CD163L1: variants seen among roughly 807,000 people sequenced by gnomAD.
The protein encoded by CD163L1 is scavenger receptor cysteine-rich type 1 protein M160.
In CD163L1, 124 loss-of-function variants were observed where a neutral mutation model predicts 165.4. That is an observed-to-expected ratio of 0.75 (90% confidence interval 0.65 to 0.87). CD163L1 has a LOEUF of 0.87. CD163L1 is among the 40% of genes least tolerant of loss of function. CD163L1 has a pLI of 0.00. For missense variants in CD163L1, 1,525 were observed against 1,799.9 expected (o/e 0.85, Z 2.76); for synonymous variants, 585 against 662.2 (o/e 0.88, Z 1.79).
the CD163L1 span, among the ~76,000 whole-genome samples, chr12:7,333,334 A>G: frequency 6.6e-6 from 1 of 152,176 alleles, no homozygotes; most frequent in African/African-American, 2.4e-5. Flanking sequence ...GGATTAAGAA[A>G]CTCACTCAAA....
the CD163L1 span, among the ~76,000 whole-genome samples, chr12:7,335,666 A>T: frequency 2.6e-5 from 4 of 152,222 alleles, no homozygotes; most frequent in Non-Finnish European, 5.9e-5. Flanking sequence ...ATGGGATCTA[A>T]TTAAACTAAA....
In CD163L1 at chr12:7,375,589, G is replaced by A. The variant is rs751038163; in HGVS notation, c.2693C>T (p.Thr898Ile). The A allele has an allele frequency of 3.7e-6, 6 of 1,612,070 alleles. No individual in the cohort carries two copies. The highest frequency in any genetic ancestry group is 5.1e-6 in the Non-Finnish European group (6 of 1,179,954). ...TTTGCCATTCACAAGTCGGACATCT[G>A]TATATCCTAGGAGGAGACAAGGCCA... ...REVGVVCSRY[T>I]DVRLVNGKSQ... The change falls in exon 11 of 20, where the codon ACA becomes ATA. Residue 898 changes from threonine (T) to isoleucine (I), a missense_variant. Physicochemically the swap from Thr to Ile is moderately conservative, Grantham distance 89 (BLOSUM62 -1). Transcript: ENST00000313599.
At position 7,421,489 on chromosome 12, in the gene CD163L1, A is replaced by ATG. The variant is rs1555202384; in HGVS notation, c.766+10926_766+10927insCA. Among the ~76,000 whole-genome samples the ATG allele has an allele frequency of 3.5e-5, 4 of 113,612 alleles. 1 individual carries two copies. 74.5% of individuals were successfully genotyped at this position (113,612 alleles called of 152,430 possible). A position where few individuals can be genotyped will look rare whatever the true frequency, so the allele number is the denominator to read the frequency against. ...CATATATATACATATATGTACATAT[A>ATG]TACATATATGTACATATACATATAC... On this transcript the variant is annotated intron_variant, in intron 4 of 19. Transcript: ENST00000313599.
chr12:7,385,831 C>T (rs1947503886), intron 8 of CD163L1, among the ~76,000 whole-genome samples: 1 of 151,650 alleles, frequency 6.6e-6, no homozygotes, highest in African/African-American at 2.4e-5. Context: ...ACACAACATA[C>T]CAAAGCCTAT....
At chr12:7,406,914 G>C (rs1419393206) in intron 4 of CD163L1, 62 bp from the exon 5 acceptor site, 2 of 1,423,830 alleles carry the variant, frequency 1.4e-6, no homozygotes, top group African/African-American at 2.9e-5. Context: ...TCAGATTCCA[G>C]ATCCTGCTAT....
chr12:7,409,714 G>A (rs906391544), intron 4 of CD163L1, among the ~76,000 whole-genome samples: 2 of 152,176 alleles, frequency 1.3e-5, no homozygotes, highest in African/African-American at 2.4e-5. Context: ...GAGAAATAAG[G>A]ACTAGAACAG....
At chr12:7,402,774 C>T (rs1405915654) in intron 6 of CD163L1, among the ~76,000 whole-genome samples, 1 of 151,738 alleles carries the variant, frequency 6.6e-6, no homozygotes, top group Non-Finnish European at 1.5e-5. Context: ...TAGCTAGGAC[C>T]ACAGGTATGC....
At chr12:7,421,008 TACG>T (rs749573384) in intron 4 of CD163L1, among the ~76,000 whole-genome samples, 13,407 of 131,822 alleles carry the variant, frequency 0.1, 1,184 homozygotes, top group African/African-American at 0.22. Flanking sequence ...TATATATATA[TACG>T]TGTATATATA....
At chr12:7,425,232 G>A (rs1453016772) in intron 4 of CD163L1, among the ~76,000 whole-genome samples, 1 of 152,170 alleles carries the variant, frequency 6.6e-6, no homozygotes, top group Non-Finnish European at 1.5e-5. Context: ...AAGCAATGGG[G>A]AAAGGATTCC....
chr12:7,375,914 G>A lies in CD163L1; in HGVS notation c.2472C>T (p.Phe824=), dbSNP rs1282245967. ...ACAGCACATTGGCAGCATGAAGAGA[G>A]AAATCAGAATCACAGACAGAGCGCC... The part of the protein sequence containing the change: ...DTWRSVCDSD[F]SLHAANVLCR... Residue 824 remains phenylalanine, a synonymous_variant, in exon 10 of 20, where the codon TTC becomes TTT. Coordinates refer to ENST00000313599, the MANE Select transcript of CD163L1 (RefSeq NM_174941.6). 1 of 1,614,226 alleles carries A rather than the reference G, an allele frequency of 6.2e-7. No individual in the cohort carries two copies. Among genetic ancestry groups the A allele is most frequent in the Non-Finnish European group, 8.5e-7 (1 of 1,180,042 alleles).
the CD163L1 span, chr12:7,327,164 A>G: frequency 2.0e-6 from 3 of 1,470,016 alleles, no homozygotes; most frequent in Non-Finnish European, 1.8e-6. Context: ...ATTAGATTTT[A>G]CTGGATTTTG....
intron 4 of CD163L1, among the ~76,000 whole-genome samples, chr12:7,422,786 T>C (rs767219650): frequency 3.3e-4 from 49 of 148,446 alleles, no homozygotes; most frequent in Middle Eastern, 7.1e-3. Flanking sequence ...TATATATATA[T>C]ACACACAGGT....
rs1455349588 is a variant in CD163L1, at chr12:7,403,627, G to A, written c.1316C>T (p.Thr439Ile). 6.2e-7 allele frequency: 1 copy of A among 1,613,968 alleles called. No homozygotes were observed. Among genetic ancestry groups the A allele is most frequent in the East Asian group, 2.2e-5 (1 of 44,884 alleles). Residue 439 changes from threonine (T) to isoleucine (I), a missense_variant, in exon 6 of 20, where the codon ACT (threonine) becomes ATT (isoleucine). Transcript: ENST00000313599. ...RDIWINSISC[T>I]GNESALWDCT... ...GTCCCAGAGAGCTGACTCATTCCCA[G>A]TGCAAGATATGCTGTTTATCCAAAT...
chr12:7,369,701 G>GAA lies in CD163L1; in HGVS notation c.3731-38_3731-37dup, dbSNP rs1285094762. The GAA allele has an allele frequency of 6.3e-7, 1 of 1,577,154 alleles. No homozygotes were observed. The highest frequency in any genetic ancestry group is 8.7e-7 in the Non-Finnish European group (1 of 1,154,012). ...ACAAAACATGGCTGTCTTTACTCCT[G>GAA]AAGGAGGTTGTGGGAGAATGCTGAG... On this transcript the variant is annotated intron_variant, in intron 14 of 19. Coordinates refer to ENST00000313599, the MANE Select transcript of CD163L1 (RefSeq NM_174941.6). The surrounding 1 kb of genome is among the most constrained non-coding windows in gnomAD (Gnocchi z 4.9).
At chr12:7,360,129 C>T (rs1946861610) in intron 18 of CD163L1, among the ~76,000 whole-genome samples, 1 of 151,960 alleles carries the variant, frequency 6.6e-6, no homozygotes, top group East Asian at 1.9e-4. Context: ...CCTAACACTC[C>T]AATGATATGT....
intron 8 of CD163L1, among the ~76,000 whole-genome samples, chr12:7,393,176 A>T (rs764653704): frequency 1.3e-5 from 2 of 152,326 alleles, no homozygotes; most frequent in South Asian, 4.1e-4. Flanking sequence ...ATCCTCAATA[A>T]AATACTGGCA....
At chr12:7,331,408 C>T in the CD163L1 span, among the ~76,000 whole-genome samples, 1 of 152,194 alleles carries the variant, frequency 6.6e-6, no homozygotes, top group African/African-American at 2.4e-5. Flanking sequence ...AGACTTAAAT[C>T]CCTGTCTGAC....
At chr12:7,343,387 G>A (rs190198824), downstream of CD163L1, among the ~76,000 whole-genome samples, 681 of 152,286 alleles carry the variant, frequency 4.5e-3, 5 homozygotes, top group African/African-American at 0.015. Context: ...TTGCTACAAA[G>A]AAATACCTGA....
At chr12:7,429,433 T>A (rs368070317) in intron 4 of CD163L1, among the ~76,000 whole-genome samples, 5 of 152,098 alleles carry the variant, frequency 3.3e-5, no homozygotes, top group Non-Finnish European at 5.9e-5. Flanking sequence ...ATACTAAATT[T>A]ATATCTCTAA....
Sources: gnomAD v4.1 joint callset for allele counts (sites outside exome capture counted in the v4.1 genomes callset) on GRCh38, gnomAD v4.1.1 for gene constraint, Gnocchi (gnomAD v3.1) non-coding constraint, MANE v1.5 for transcripts, NCBI Gene and HGNC (gene_info 2026-07-23, HGNC 2026-07-21) for gene names.